The following SH3D19 variants were observed in gnomAD, a reference collection of about 807,000 sequenced individuals.
SH3D19 encodes the protein SH3 domain-containing protein 19.
In SH3D19, 58 loss-of-function variants were observed where a neutral mutation model predicts 112.1. The observed-to-expected ratio is 0.52, with a 90% CI of 0.42 to 0.64. The LOEUF (loss-of-function observed/expected upper bound fraction) is 0.64. Among genes scored for constraint, SH3D19 ranks in the 30% least tolerant of loss-of-function variants. The probability of loss-of-function intolerance (pLI) is 0.00; values close to 1 mark genes in which losing one functional copy is unlikely to be tolerated. For synonymous variants in SH3D19, 391 were observed against 448.5 expected (o/e 0.87, Z 1.62); for missense variants, 1,090 against 1,263.4 (o/e 0.86, Z 2.08).
At chr4:151,257,541 G>A (rs1237219263) in intron 1 of SH3D19, among the ~76,000 whole-genome samples, 2 of 152,082 alleles carry the variant, frequency 1.3e-5, no homozygotes, top group Admixed American at 1.3e-4. Context: ...ATATTAAAGG[G>A]TCTCAACAAC....
intron 1 of SH3D19, chr4:151,283,224 C>T: frequency 1.2e-6 from 2 of 1,613,788 alleles, no homozygotes; most frequent in Non-Finnish European, 1.7e-6. Context: ...AGCACTGGAG[C>T]CAGTCATCAA....
intron 1 of SH3D19, among the ~76,000 whole-genome samples, chr4:151,237,557 A>G (rs1041007184): frequency 6.6e-6 from 1 of 151,970 alleles, no homozygotes; most frequent in Non-Finnish European, 1.5e-5. Context: ...ACTACTTATT[A>G]CCTGAAGGAC....
intron 1 of SH3D19, among the ~76,000 whole-genome samples, chr4:151,231,585 T>TCA (rs1329635651): frequency 1.3e-5 from 2 of 152,180 alleles, no homozygotes; most frequent in East Asian, 3.8e-4. Flanking sequence ...ATATTTGTTG[T>TCA]TGCTGAAATA....
chr4:151,249,887 C>T (rs1771227015), intron 1 of SH3D19, among the ~76,000 whole-genome samples: 2 of 152,044 alleles, frequency 1.3e-5, no homozygotes, highest in African/African-American at 4.8e-5. Context: ...AAAATATATT[C>T]CTATTTTCTA....
At chr4:151,167,914 G>T (rs2149812094) in intron 7 of SH3D19, among the ~76,000 whole-genome samples, 1 of 152,358 alleles carries the variant, frequency 6.6e-6, no homozygotes, top group South Asian at 2.1e-4. Context: ...GCGCGCCTCT[G>T]CCCGGCCGCT....
intron 1 of SH3D19, among the ~76,000 whole-genome samples, chr4:151,323,539 C>T (rs1409846195): frequency 6.6e-6 from 1 of 152,052 alleles, no homozygotes; most frequent in African/African-American, 2.4e-5. Flanking sequence ...GAAATAAATC[C>T]AAAAATCGCA....
intron 12 of SH3D19, among the ~76,000 whole-genome samples, chr4:151,142,374 G>A (rs116360861): frequency 0.013 from 2,053 of 152,190 alleles, 46 homozygotes; most frequent in African/African-American, 0.047. Flanking sequence ...CTAATTAGGT[G>A]TCACACCCCA....
chr4:151,225,491 T>C (rs549100564), intron 2 of SH3D19, among the ~76,000 whole-genome samples: 1 of 152,282 alleles, frequency 6.6e-6, no homozygotes, highest in East Asian at 1.9e-4. Context: ...TCCTGGCCAC[T>C]TGAAATACCT....
intron 7 of SH3D19, among the ~76,000 whole-genome samples, chr4:151,167,557 C>A (rs2149810962): frequency 6.6e-6 from 1 of 152,216 alleles, no homozygotes; most frequent in Admixed American, 6.5e-5. Flanking sequence ...ATATCAATTT[C>A]TTAGCACTTT....
chr4:151,128,305 C>G lies in SH3D19; in HGVS notation c.2794G>C (p.Glu932Gln). The G allele has an allele frequency of 6.2e-7, 1 of 1,614,120 alleles. No homozygotes were observed. The highest frequency in any genetic ancestry group is 8.5e-7 in the Non-Finnish European group (1 of 1,179,986). The change falls in exon 18 of 20, where the codon GAG (glutamate) becomes CAG (glutamine). Residue 932 changes from glutamate to glutamine, a missense_variant. Physicochemically the swap from Glu to Gln is conservative, Grantham distance 29. Transcript: ENST00000604030. ...WCEALHSFTA[E>Q]TSDDLSFKRG... ...TTGAATGATAAGTCATCACTGGTCT[C>G]TGCTGTAAAACTGTGAAGAGCTTCA...
At chr4:151,153,811 T>C (rs1755540057) in intron 9 of SH3D19, among the ~76,000 whole-genome samples, 1 of 152,344 alleles carries the variant, frequency 6.6e-6, no homozygotes, top group Non-Finnish European at 1.5e-5. Context: ...GACAGGATTT[T>C]CCTCATGTTG....
chr4:151,165,619 C>T lies in SH3D19; in HGVS notation c.1612G>A (p.Val538Ile). ...VQPAPTRKPT[V>I]IRIPAKPGKC... ...CCTGGTTTGGCTGGAATTCGAATTA[C>T]AGTGGGCTTCCTGGTGGGTGCTGGT... Residue 538 changes from valine (V) to isoleucine (I), a missense_variant, in exon 8 of 20, where the codon GTA becomes ATA. Val to Ile is a conservative substitution (Grantham distance 29). Transcript: ENST00000604030. 6.2e-7 allele frequency: 1 copy of T among 1,614,082 alleles called. No homozygotes were observed. The highest frequency in any genetic ancestry group is 8.5e-7 in the Non-Finnish European group (1 of 1,179,978).
intron 2 of SH3D19, among the ~76,000 whole-genome samples, chr4:151,204,828 TTTC>T (rs1414956697): frequency 3.3e-5 from 5 of 152,144 alleles, no homozygotes; most frequent in African/African-American, 1.2e-4. Flanking sequence ...CTGTTCTTTT[TTTC>T]TTTTTTTGAG....
At chr4:151,305,577 A>T (rs1357728856) in intron 1 of SH3D19, among the ~76,000 whole-genome samples, 2 of 152,242 alleles carry the variant, frequency 1.3e-5, no homozygotes, top group Non-Finnish European at 1.5e-5. Context: ...TCATTAGCCA[A>T]AAGGAAAATG....
intron 1 of SH3D19, among the ~76,000 whole-genome samples, chr4:151,236,981 G>A (rs1770112354): frequency 6.6e-6 from 1 of 152,178 alleles, no homozygotes; most frequent in Non-Finnish European, 1.5e-5. Context: ...GGCCACCCAA[G>A]CCAGCAGCAG....
chr4:151,271,979 C>T (rs559506874), intron 1 of SH3D19, among the ~76,000 whole-genome samples: 3 of 152,136 alleles, frequency 2.0e-5, no homozygotes, highest in East Asian at 1.9e-4. Flanking sequence ...CCTGAAGACA[C>T]GGCACGATGA....
chr4:151,312,535 A>G (rs562169934), intron 1 of SH3D19, among the ~76,000 whole-genome samples: 10 of 152,304 alleles, frequency 6.6e-5, no homozygotes, highest in African/African-American at 2.2e-4. Flanking sequence ...CAGTAGAGAT[A>G]ACTGAGGGCC....
At chr4:151,124,580 T>C (rs1323983775) in intron 19 of SH3D19, among the ~76,000 whole-genome samples, 1 of 151,966 alleles carries the variant, frequency 6.6e-6, no homozygotes, top group Non-Finnish European at 1.5e-5. Context: ...TAGCTGGGCA[T>C]GGTGGCATGC....
chr4:151,323,663 A>C (rs1043280331), intron 1 of SH3D19, among the ~76,000 whole-genome samples: 18 of 152,336 alleles, frequency 1.2e-4, no homozygotes, highest in African/African-American at 4.1e-4. Context: ...AAAAGTACAC[A>C]ATGTCATGTC....
Sources: gnomAD v4.1 joint callset for allele counts (sites outside exome capture counted in the v4.1 genomes callset) on GRCh38, gnomAD v4.1.1 for gene constraint, MANE v1.5 for transcripts, NCBI Gene and HGNC (gene_info 2026-07-23, HGNC 2026-07-21) for gene names.